Variants in BCL2 observed in about 807,000 individuals in gnomAD.
BCL2 encodes apoptosis regulator Bcl-2.
Under a neutral mutation model 14.2 loss-of-function variants are expected in BCL2, and 1 was observed. The observed-to-expected ratio is 0.07, with a 90% CI of 0.02 to 0.33. The LOEUF (loss-of-function observed/expected upper bound fraction) is 0.33. Ranked by LOEUF, BCL2 falls within the 10% of genes least tolerant of loss-of-function variation. BCL2 has a pLI of 0.99. For missense variants in BCL2, 247 were observed against 305.9 expected, an observed-to-expected ratio of 0.81 and a Z score of 1.44; for synonymous variants, 151 against 137.2, an observed-to-expected ratio of 1.10 and a Z score of -0.70.
chr18:63,242,992 A>G (rs1259014905), intron 2 of BCL2, among the ~76,000 whole-genome samples: 2 of 152,212 alleles, frequency 1.3e-5, no homozygotes, highest in Non-Finnish European at 2.9e-5. Context: ...GGTCGTCTTC[A>G]AGTAACATGG....
chr18:63,289,275 A>C (rs554061512), intron 2 of BCL2, among the ~76,000 whole-genome samples: 51 of 152,178 alleles, frequency 3.4e-4, no homozygotes, highest in African/African-American at 8.4e-4. Flanking sequence ...AAATGGCACA[A>C]AAAAAAAGAA....
At chr18:63,259,436 C>T (rs1241959105) in intron 2 of BCL2, among the ~76,000 whole-genome samples, 1 of 152,260 alleles carries the variant, frequency 6.6e-6, no homozygotes, top group Non-Finnish European at 1.5e-5. Context: ...TTGGTTGGCA[C>T]TGAAGCAGTG....
chr18:63,204,795 T>C (rs1364266702), intron 2 of BCL2, among the ~76,000 whole-genome samples: 1 of 152,160 alleles, frequency 6.6e-6, no homozygotes, highest in African/African-American at 2.4e-5. Flanking sequence ...ATGGTACATC[T>C]CAAGATGTAC....
rs375734256 is a variant in BCL2, at chr18:63,125,805, G to A, written c.*2820C>T. 4.6e-6 allele frequency: 1 copy of A among 218,696 alleles called. No individual in the cohort carries two copies. Among genetic ancestry groups the A allele is most frequent in the African/African-American group, 2.2e-5 (1 of 44,528 alleles). 13.5% of individuals were successfully genotyped at this position (218,696 alleles called of 1,614,324 possible). ...TTAGAGCAAGTGCAGCCACAATACTGTACAGTTCTGGGGCCAAGAGGCTGG... is the reference window on the plus strand; with the variant it reads ...TTAGAGCAAGTGCAGCCACAATACTATACAGTTCTGGGGCCAAGAGGCTGG... On this transcript the variant is annotated 3_prime_UTR_variant, in exon 3 of 3. Coordinates refer to ENST00000333681, the MANE Select transcript of BCL2 (RefSeq NM_000633.3).
rs953523474 is a variant in BCL2 at position 63,149,195 on chromosome 18, T to C, written c.586-20436A>G. 2.6e-5 allele frequency among the ~76,000 whole-genome samples: 4 copies of C among 152,334 alleles called. No homozygotes were observed. Among genetic ancestry groups the C allele is most frequent in the African/African-American group, 4.8e-5 (2 of 41,564 alleles). On this transcript the variant is annotated intron_variant, in intron 2 of 2. Transcript: ENST00000333681. This position sits in a 1 kb window ranked among gnomAD's most constrained non-coding sequence, Gnocchi z 4.2. The stretch of plus-strand genomic sequence containing the variant: ...GACGTGTTTTGTGGAGGACAATTTT[T>C]CCACGAATGGGGTGGGGGATCATTT...
At chr18:63,277,118 T>G (rs1228851235) in intron 2 of BCL2, among the ~76,000 whole-genome samples, 1 of 152,176 alleles carries the variant, frequency 6.6e-6, no homozygotes, top group African/African-American at 2.4e-5. Flanking sequence ...CTGCCCCCTG[T>G]CTGGGAGACT....
intron 2 of BCL2, among the ~76,000 whole-genome samples, chr18:63,257,334 T>C (rs1165003791): frequency 1.3e-5 from 2 of 152,340 alleles, no homozygotes; most frequent in East Asian, 3.9e-4. Context: ...GAAAAACGAA[T>C]AGACAGTTTC....
intron 2 of BCL2, among the ~76,000 whole-genome samples, chr18:63,303,789 T>C (rs1157038638): frequency 6.6e-6 from 1 of 152,202 alleles, no homozygotes; most frequent in Admixed American, 6.5e-5. Flanking sequence ...CTCCTGACTT[T>C]CGGTGACTGA....
chr18:63,286,935 G>A (rs756863636), intron 2 of BCL2, among the ~76,000 whole-genome samples: 3 of 152,154 alleles, frequency 2.0e-5, no homozygotes, highest in Non-Finnish European at 2.9e-5. Flanking sequence ...ACACGGGTCT[G>A]AACTACAGGT....
chr18:63,266,085 C>T (rs1350726685), intron 2 of BCL2, among the ~76,000 whole-genome samples: 1 of 152,028 alleles, frequency 6.6e-6, no homozygotes, highest in Non-Finnish European at 1.5e-5. Context: ...TGCAGATCAA[C>T]TCGTATGTGT....
At chr18:63,190,326 G>A (rs906978173) in intron 2 of BCL2, among the ~76,000 whole-genome samples, 2 of 152,148 alleles carry the variant, frequency 1.3e-5, no homozygotes, top group African/African-American at 2.4e-5. Context: ...TCCATGCCAC[G>A]GGACATTCTC....
chr18:63,289,588 C>T (rs1912585272), intron 2 of BCL2, among the ~76,000 whole-genome samples: 2 of 151,910 alleles, frequency 1.3e-5, no homozygotes, highest in South Asian at 2.1e-4. Flanking sequence ...TGAAGACTTA[C>T]CTAGGAAAAG....
intron 2 of BCL2, among the ~76,000 whole-genome samples, chr18:63,198,145 CG>C (rs2144658611): frequency 6.6e-6 from 1 of 151,932 alleles, no homozygotes; most frequent in East Asian, 1.9e-4. Flanking sequence ...CCCCTGTATA[CG>C]CAAAGATGTA....
intron 2 of BCL2, chr18:63,317,749 A>C: frequency 3.5e-6 from 4 of 1,152,410 alleles, no homozygotes; most frequent in South Asian, 3.4e-5. Flanking sequence ...TCAAGCCAGG[A>C]AACGGTGGTC....
At chr18:63,148,662 A>G (rs201158035) in intron 2 of BCL2, among the ~76,000 whole-genome samples, 16,160 of 143,456 alleles carry the variant, frequency 0.11, 1,231 homozygotes, top group East Asian at 0.35. Context: ...ATGTAGTAGG[A>G]AAAAAAAAAA....
chr18:63,129,638 G>C (rs1472745601), intron 2 of BCL2, among the ~76,000 whole-genome samples: 1 of 152,190 alleles, frequency 6.6e-6, no homozygotes, highest in Non-Finnish European at 1.5e-5. Context: ...AGATGAAAAA[G>C]CTGAGAATCG....
At chr18:63,277,574 CT>C (rs11384331) in intron 2 of BCL2, among the ~76,000 whole-genome samples, 259 of 135,028 alleles carry the variant, frequency 1.9e-3, no homozygotes, top group Middle Eastern at 4.0e-3. Context: ...AGATCATGTC[CT>C]TTTTTTTTTT....
At chr18:63,147,420 G>T (rs1287706827) in intron 2 of BCL2, among the ~76,000 whole-genome samples, 1 of 152,226 alleles carries the variant, frequency 6.6e-6, no homozygotes, top group African/African-American at 2.4e-5. Flanking sequence ...TGCATTCAAA[G>T]TCGCAATGTG....
At chr18:63,147,128 C>G (rs1337494901) in intron 2 of BCL2, among the ~76,000 whole-genome samples, 2 of 152,204 alleles carry the variant, frequency 1.3e-5, no homozygotes, top group Non-Finnish European at 2.9e-5. Flanking sequence ...GGTTCTATCA[C>G]AAGCCACACA....
Sources: gnomAD v4.1 joint callset for allele counts (sites outside exome capture counted in the v4.1 genomes callset) on GRCh38, gnomAD v4.1.1 for gene constraint, Gnocchi (gnomAD v3.1) non-coding constraint, MANE v1.5 for transcripts, NCBI Gene and HGNC (gene_info 2026-07-23, HGNC 2026-07-21) for gene names.